ABR: variants seen among roughly 807,000 people sequenced by gnomAD.
ABR encodes the protein active breakpoint cluster region-related protein.
In ABR, 35 loss-of-function variants were observed where a neutral mutation model predicts 107.2. The ratio of observed to expected loss-of-function variants is 0.33; its 90% CI spans 0.25 to 0.43. The LOEUF (loss-of-function observed/expected upper bound fraction) is 0.43, where lower values mean the gene tolerates loss of function less well. Ranked by LOEUF, ABR falls within the 20% of genes least tolerant of loss-of-function variation. The probability of loss-of-function intolerance (pLI) is 1.00; values close to 1 mark genes in which losing one functional copy is unlikely to be tolerated. For missense variants in ABR, 815 were observed against 1,115.2 expected, an observed-to-expected ratio of 0.73 and a Z score of 3.83; for synonymous variants, 498 against 462.0, an observed-to-expected ratio of 1.08 and a Z score of -1.00.
chr17:1,021,591 G>A (rs532505032), intron 16 of ABR, among the ~76,000 whole-genome samples: 4 of 148,036 alleles, frequency 2.7e-5, no homozygotes, highest in African/African-American at 1.0e-4. Flanking sequence ...GGATCACAAG[G>A]TCAGGAGATC....
chr17:1,017,238 T>G (rs1198537718), intron 16 of ABR, among the ~76,000 whole-genome samples: 3 of 151,904 alleles, frequency 2.0e-5, no homozygotes, highest in African/African-American at 7.3e-5. Flanking sequence ...GGCCTTACTT[T>G]CCCGAAACCT....
intron 1 of ABR, among the ~76,000 whole-genome samples, chr17:1,214,100 T>A (rs1158818020): frequency 6.6e-6 from 1 of 152,030 alleles, no homozygotes; most frequent in Non-Finnish European, 1.5e-5. Flanking sequence ...TTGGTCAGGC[T>A]GGTCTCGAAC....
intron 1 of ABR, among the ~76,000 whole-genome samples, chr17:1,203,087 T>C (rs1478991929): frequency 6.6e-6 from 1 of 152,104 alleles, no homozygotes; most frequent in Non-Finnish European, 1.5e-5. Context: ...GGTTTCATCA[T>C]GTTGGCCAGG....
rs143279509 is a variant in ABR, at chr17:1,227,164, G to A, written c.838+1629C>T. Among the ~76,000 whole-genome samples the A allele has an allele frequency of 2.3e-3, 345 of 152,264 alleles. 2 individuals carry two copies. Among genetic ancestry groups the A allele is most frequent in the Middle Eastern group, 6.8e-3 (2 of 294 alleles). ...ATCTTTTGCAATTCCCAGGGGCAGC[G>A]CCGATTTCTAACGTGCATCAAGGTG... On this transcript the variant is annotated intron_variant, in intron 1 of 22. Coordinates refer to the ABR transcript ENST00000574139.
Position 1,160,321 on chromosome 17 carries a change from C to G in ABR, c.61+19346G>C, listed in dbSNP as rs182999037. On this transcript the variant is annotated intron_variant, in intron 1 of 22. Transcript: ENST00000302538. ...ACACACACACACAAAAGGACTAACA[C>G]AGCCTCTTATGGGCCAGGCACTCAC... is the stretch of plus-strand genomic sequence containing the variant. 2.5e-3 allele frequency among the ~76,000 whole-genome samples: 374 copies of G among 151,764 alleles called. 3 individuals carry two copies. Among genetic ancestry groups the G allele is most frequent in the African/African-American group, 8.7e-3 (360 of 41,270 alleles).
intron 16 of ABR, among the ~76,000 whole-genome samples, chr17:1,022,120 A>AAAAAAAAAAAAAAACAAAAAC (rs56033950): frequency 5.1e-5 from 6 of 118,384 alleles, no homozygotes; most frequent in African/African-American, 1.8e-4. Context: ...AAAAAAAAAA[A>AAAAAAAAAAAAAAACAAAAAC]AAAAACAGAA....
chr17:1,030,117 G>A (rs1002948008), intron 16 of ABR, among the ~76,000 whole-genome samples: 3 of 152,218 alleles, frequency 2.0e-5, no homozygotes, highest in Non-Finnish European at 2.9e-5. Context: ...CATCAGACAC[G>A]GAGCCACCAG....
intron 16 of ABR, chr17:1,031,925 C>CG: frequency 9.7e-7 from 1 of 1,028,642 alleles, no homozygotes; most frequent in East Asian, 3.4e-5. Context: ...CCTCCCTCCT[C>CG]CGCATCCCTC....
intron 3 of ABR, among the ~76,000 whole-genome samples, chr17:1,100,389 T>G (rs1376677186): frequency 6.6e-6 from 1 of 152,206 alleles, no homozygotes; most frequent in Non-Finnish European, 1.5e-5. Context: ...ACAGGTGTGT[T>G]TGCCATCTCT....
intron 1 of ABR, among the ~76,000 whole-genome samples, chr17:1,173,720 C>T (rs888080668): frequency 1.3e-5 from 2 of 152,140 alleles, no homozygotes; most frequent in Non-Finnish European, 1.5e-5. Flanking sequence ...CACCCGTACT[C>T]AGACAACCAA....
At chr17:1,167,997 CAAA>C (rs1184217979) in intron 1 of ABR, among the ~76,000 whole-genome samples, 1 of 151,648 alleles carries the variant, frequency 6.6e-6, no homozygotes, top group Non-Finnish European at 1.5e-5. Flanking sequence ...ACTAAAAATA[CAAA>C]AATTAGCCGG....
chr17:1,083,614 C>T lies in ABR; in HGVS notation c.545G>A (p.Gly182Asp). ...GTTATCGACAAACGCTTTGTACACA[C>T]CGAGCTGGCTGGCCTGCAGGGAGGA... Reference protein sequence around the residue: ...HLFQKLASQLGVYKAFVDNYK... With the variant: ...HLFQKLASQLDVYKAFVDNYK... The change falls in exon 5 of 23, where the codon GGT (glycine) becomes GAT (aspartate). Residue 182 changes from glycine (G) to aspartate (D), a missense_variant. By Grantham distance (94) the Gly-to-Asp change is moderately conservative. Transcript: ENST00000302538. 6.2e-7 allele frequency: 1 copy of T among 1,613,888 alleles called. No individual in the cohort carries two copies. The highest frequency in any genetic ancestry group is 8.5e-7 in the Non-Finnish European group (1 of 1,179,916).
chr17:1,107,423 G>A (rs1205047761), intron 2 of ABR, among the ~76,000 whole-genome samples: 1 of 152,252 alleles, frequency 6.6e-6, no homozygotes, highest in Admixed American at 6.5e-5. Context: ...TGGTCCTCCA[G>A]GAGAATGGGA....
chr17:1,057,706 A>T, intron 12 of ABR: 11 of 428,126 alleles, frequency 2.6e-5, no homozygotes, highest in East Asian at 4.4e-5. Context: ...TGTGTGTGAG[A>T]GAGAGAGAGA....
At chr17:1,099,626 T>C (rs2037732723) in intron 3 of ABR, among the ~76,000 whole-genome samples, 1 of 152,256 alleles carries the variant, frequency 6.6e-6, no homozygotes, top group Admixed American at 6.5e-5. Flanking sequence ...ACGATCACTC[T>C]GCATAACATC....
At chr17:1,228,795 G>A (rs907697536) in exon 1 of ABR, 1 of 152,028 alleles carries the variant, frequency 6.6e-6, no homozygotes, top group Non-Finnish European at 1.5e-5. Flanking sequence ...GCGCCCACCT[G>A]CGGAGAAGTC....
At chr17:1,123,432 G>A (rs374220605) in intron 2 of ABR, among the ~76,000 whole-genome samples, 9 of 152,302 alleles carry the variant, frequency 5.9e-5, no homozygotes, top group East Asian at 3.9e-4. Flanking sequence ...CCGAAGCCCC[G>A]GAGCGCCAGG....
chr17:1,181,044 C>A (rs1037395506), upstream of ABR, among the ~76,000 whole-genome samples: 1 of 152,196 alleles, frequency 6.6e-6, no homozygotes, highest in Non-Finnish European at 1.5e-5. Context: ...GTCTCCACCC[C>A]ACCCCATCCC....
intron 1 of ABR, among the ~76,000 whole-genome samples, chr17:1,159,573 G>T (rs868846943): frequency 1.7e-4 from 7 of 40,430 alleles, no homozygotes; most frequent in African/African-American, 4.7e-4. Context: ...CTCACACACG[G>T]GAGAAGTAAG....
Sources: gnomAD v4.1 joint callset for allele counts (sites outside exome capture counted in the v4.1 genomes callset) on GRCh38, gnomAD v4.1.1 for gene constraint, MANE v1.5 for transcripts, NCBI Gene and HGNC (gene_info 2026-07-23, HGNC 2026-07-21) for gene names.